LOC128706666: variants seen among roughly 807,000 people sequenced by gnomAD.
At chr20:10,422,419 T>C in the LOC128706666 span, among the ~76,000 whole-genome samples, 3 of 152,156 alleles carry the variant, frequency 2.0e-5, no homozygotes, top group Non-Finnish European at 4.4e-5. Context: ...ATAATTAAAT[T>C]TCATTGTGAA....
the LOC128706666 span, among the ~76,000 whole-genome samples, chr20:10,423,907 T>C: frequency 1.3e-5 from 2 of 152,202 alleles, no homozygotes; most frequent in Non-Finnish European, 2.9e-5. Flanking sequence ...GATTTAATGA[T>C]TAATTGCTTT....
the LOC128706666 span, among the ~76,000 whole-genome samples, chr20:10,423,923 T>G: frequency 6.6e-6 from 1 of 152,218 alleles, no homozygotes; most frequent in Admixed American, 6.5e-5. Flanking sequence ...GCTTTAATGT[T>G]TACTGAACAT....
the LOC128706666 span, among the ~76,000 whole-genome samples, chr20:10,416,270 G>T: frequency 6.6e-6 from 1 of 152,210 alleles, no homozygotes; most frequent in South Asian, 2.1e-4. Context: ...ACAAACAGGT[G>T]AAAGTTTTTC....
At chr20:10,422,757 G>T in the LOC128706666 span, among the ~76,000 whole-genome samples, 79 of 149,338 alleles carry the variant, frequency 5.3e-4, no homozygotes, top group African/African-American at 1.8e-3. Context: ...TGTCACCCAA[G>T]CTGTAGTGCA....
At chr20:10,420,184 AG>A in the LOC128706666 span, among the ~76,000 whole-genome samples, 7 of 152,174 alleles carry the variant, frequency 4.6e-5, no homozygotes, top group African/African-American at 2.4e-5. Flanking sequence ...TAAAAAAAAA[AG>A]AACACTAATA....
the LOC128706666 span, among the ~76,000 whole-genome samples, chr20:10,430,041 AAAAAC>A: frequency 6.6e-6 from 1 of 151,840 alleles, no homozygotes; most frequent in Admixed American, 6.6e-5. Context: ...CAAAAAACAA[AAAAAC>A]AAAAACAAAA....
the LOC128706666 span, among the ~76,000 whole-genome samples, chr20:10,427,626 T>C: frequency 3.9e-5 from 6 of 152,240 alleles, no homozygotes; most frequent in African/African-American, 1.4e-4. Context: ...TGGCATTTTT[T>C]CTGTGTACAC....
chr20:10,421,322 G>T, the LOC128706666 span, among the ~76,000 whole-genome samples: 1 of 151,546 alleles, frequency 6.6e-6, no homozygotes, highest in Non-Finnish European at 1.5e-5. Context: ...TACTCTGGAG[G>T]CTGAGTCAGG....
chr20:10,416,585 A>T, the LOC128706666 span, among the ~76,000 whole-genome samples: 1 of 152,230 alleles, frequency 6.6e-6, no homozygotes, highest in Non-Finnish European at 1.5e-5. Context: ...TTGAGCACTC[A>T]TTATTATAAA....
At chr20:10,434,059 C>G in the LOC128706666 span, 1 of 152,576 alleles carries the variant, frequency 6.6e-6, no homozygotes, top group African/African-American at 2.4e-5. Context: ...CCCCTCTCTT[C>G]GGCCGGACAC....
At chr20:10,422,407 T>C in the LOC128706666 span, among the ~76,000 whole-genome samples, 15 of 152,272 alleles carry the variant, frequency 9.9e-5, no homozygotes, top group Non-Finnish European at 2.1e-4. Context: ...AATAACTGTA[T>C]CATAATTAAA....
the LOC128706666 span, among the ~76,000 whole-genome samples, chr20:10,428,915 A>AGTCCT: frequency 6.6e-6 from 1 of 152,302 alleles, no homozygotes; most frequent in Non-Finnish European, 1.5e-5. Flanking sequence ...CCTGTGTTCC[A>AGTCCT]GTCCCACTTT....
At chr20:10,433,557 G>A in the LOC128706666 span, among the ~76,000 whole-genome samples, 7 of 152,322 alleles carry the variant, frequency 4.6e-5, no homozygotes, top group African/African-American at 1.7e-4. Flanking sequence ...ATTTGGGTAT[G>A]GTCTTATCGG....
chr20:10,416,315 GATTATAGGT>G, the LOC128706666 span, among the ~76,000 whole-genome samples: 205 of 152,238 alleles, frequency 1.3e-3, 4 homozygotes, highest in East Asian at 0.031. Context: ...CAAAAAGAAT[GATTATAGGT>G]ATGAGGTAAG....
At chr20:10,430,115 G>A in the LOC128706666 span, among the ~76,000 whole-genome samples, 1 of 152,346 alleles carries the variant, frequency 6.6e-6, no homozygotes. Context: ...TTTGACTAGA[G>A]TGAAATCTAA....
At chr20:10,428,216 T>C in the LOC128706666 span, among the ~76,000 whole-genome samples, 1 of 152,236 alleles carries the variant, frequency 6.6e-6, no homozygotes, top group Non-Finnish European at 1.5e-5. Flanking sequence ...CTGAGAATCC[T>C]GTCCCCTTTC....
the LOC128706666 span, among the ~76,000 whole-genome samples, chr20:10,427,031 C>CACACACACAGACACACACACACACACAG: frequency 3.4e-5 from 1 of 29,740 alleles, no homozygotes; most frequent in African/African-American, 7.5e-5. Flanking sequence ...AAAACACTGA[C>CACACACACAGACACACACACACACACAG]ACACACACAC....
chr20:10,431,413 G>T, the LOC128706666 span, among the ~76,000 whole-genome samples: 4 of 152,052 alleles, frequency 2.6e-5, no homozygotes, highest in African/African-American at 9.7e-5. Context: ...ACTAGCCTCA[G>T]GGGGGAACTA....
At chr20:10,426,402 C>T in the LOC128706666 span, among the ~76,000 whole-genome samples, 3 of 149,624 alleles carry the variant, frequency 2.0e-5, no homozygotes, top group African/African-American at 7.4e-5. Context: ...TCATGCCTGG[C>T]ATGTTGTTCT....
Sources: allele counts gnomAD v4.1 joint callset (sites outside exome capture counted in the v4.1 genomes callset), GRCh38; gene constraint gnomAD v4.1.1; transcripts MANE v1.5.